GFRA1: variants seen among roughly 807,000 people sequenced by gnomAD.
GFRA1 encodes the protein GDNF family receptor alpha-1.
GFRA1 carries 16 observed loss-of-function variants against 51.6 expected under a neutral mutation model. The observed-to-expected ratio is 0.31, with a 90% CI of 0.21 to 0.47. The LOEUF is 0.47. Among genes scored for constraint, GFRA1 ranks in the 20% least tolerant of loss-of-function variants. The pLI, the probability that GFRA1 is intolerant of heterozygous loss-of-function variation, is 1.00. For missense variants in GFRA1, 530 were observed against 594.3 expected (o/e 0.89, Z 1.13); for synonymous variants, 270 against 241.3 (o/e 1.12, Z -1.10).
chr10:116,125,448 G>A lies in GFRA1; in HGVS notation c.543C>T (p.Ser181=), dbSNP rs367673375. 9.0e-5 allele frequency: 145 copies of A among 1,613,990 alleles called. No homozygotes were observed. Among genetic ancestry groups the A allele is most frequent in the Middle Eastern group, 1.6e-4 (1 of 6,078 alleles). ...GGCGGTTGCAGACATCGTTGGACAC[G>A]CTGGTGGTGCACGGGGTGATGTACG... ...RSAYITPCTT[S]VSNDVCNRRK... is the part of the protein sequence containing the mutation. Residue 181 remains serine, a synonymous_variant, in exon 6 of 11, where the codon AGC becomes AGT. Transcript: ENST00000355422.
intron 6 of GFRA1, among the ~76,000 whole-genome samples, chr10:116,105,654 G>C (rs975474124): frequency 6.6e-5 from 10 of 152,324 alleles, no homozygotes; most frequent in Admixed American, 3.9e-4. Flanking sequence ...GATAGAGGCA[G>C]TGGTTTAGCT....
intron 4 of GFRA1, among the ~76,000 whole-genome samples, chr10:116,224,492 A>G (rs1163900531): frequency 6.6e-6 from 1 of 152,218 alleles, no homozygotes; most frequent in African/African-American, 2.4e-5. Flanking sequence ...CATCCACACA[A>G]TGAAATAATA....
intron 6 of GFRA1, among the ~76,000 whole-genome samples, chr10:116,121,387 ACAGT>A (rs1362851230): frequency 6.6e-6 from 1 of 152,152 alleles, no homozygotes; most frequent in Non-Finnish European, 1.5e-5. Context: ...GGAGGCCCAA[ACAGT>A]CAGGCTCTGA....
chr10:116,271,381 G>T (rs1239786443), intron 2 of GFRA1, among the ~76,000 whole-genome samples: 1 of 152,116 alleles, frequency 6.6e-6, no homozygotes, highest in African/African-American at 2.4e-5. Flanking sequence ...CAGAGCCTGC[G>T]CTGCCCACCG....
At chr10:116,250,775 G>A (rs1379392385) in intron 4 of GFRA1, among the ~76,000 whole-genome samples, 1 of 152,180 alleles carries the variant, frequency 6.6e-6, no homozygotes, top group East Asian at 1.9e-4. Context: ...CAGGACCCCT[G>A]GCCATAGCTC....
Position 116,272,358 on chromosome 10 carries a change from C to A in GFRA1, c.-246-83G>T, listed in dbSNP as rs921243034. 4.9e-5 allele frequency: 22 copies of A among 448,982 alleles called. No homozygotes were observed. Among genetic ancestry groups the A allele is most frequent in the Non-Finnish European group, 8.6e-5 (21 of 244,178 alleles). The allele number at this position is 448,982 out of a possible 1,614,324, so 27.8% of individuals were successfully genotyped here. ...AGAACCCTCTCCCCTCCCCCGTTCC[C>A]GCCTTTGGGGAATTTCCAACACCGG... On this transcript the variant is annotated intron_variant, in intron 1 of 10. Transcript: ENST00000355422. The surrounding 1 kb of genome is among the most constrained non-coding windows in gnomAD (Gnocchi z 4.4).
rs569013399 is a variant in GFRA1 at position 116,193,835 on chromosome 10, A to G, written c.433+17796T>C. On this transcript the variant is annotated intron_variant, in intron 5 of 10. Coordinates refer to ENST00000355422, the MANE Select transcript of GFRA1 (RefSeq NM_005264.8). ...CACTTTGGGAGGCCTAGGCGGGTGG[A>G]TCATGAGGTCAGGAGATGGAGACCA... Among the ~76,000 whole-genome samples, 65 of 152,042 alleles carry G rather than the reference A, an allele frequency of 4.3e-4. 1 individual carries two copies. The highest frequency in any genetic ancestry group is 2.5e-3 in the South Asian group (12 of 4,804).
chr10:116,090,775 A>C (rs1956302042), intron 8 of GFRA1, among the ~76,000 whole-genome samples: 1 of 152,122 alleles, frequency 6.6e-6, no homozygotes, highest in Admixed American at 6.5e-5. Context: ...AAACTCCTCC[A>C]TTTGGGACCT....
intron 4 of GFRA1, among the ~76,000 whole-genome samples, chr10:116,264,565 C>T (rs1969522288): frequency 1.3e-5 from 2 of 152,186 alleles, no homozygotes; most frequent in South Asian, 4.1e-4. Flanking sequence ...TGAGGGAGCC[C>T]TGAGTAGAAT....
intron 5 of GFRA1, among the ~76,000 whole-genome samples, chr10:116,144,979 T>G (rs187112447): frequency 6.6e-6 from 1 of 151,046 alleles, no homozygotes; most frequent in Non-Finnish European, 1.5e-5. Flanking sequence ...CAAAACCCCA[T>G]CTCTACTAAA....
At chr10:116,264,721 G>A (rs1287656380) in intron 4 of GFRA1, among the ~76,000 whole-genome samples, 1 of 152,254 alleles carries the variant, frequency 6.6e-6, no homozygotes, top group African/African-American at 2.4e-5. Flanking sequence ...TTGGGGAATT[G>A]TTTGGCTCAG....
intron 9 of GFRA1, among the ~76,000 whole-genome samples, chr10:116,073,726 T>G (rs1343904641): frequency 1.3e-5 from 2 of 152,170 alleles, no homozygotes; most frequent in Non-Finnish European, 2.9e-5. Flanking sequence ...ATGAAGCCTA[T>G]CTCATCAGAC....
At chr10:116,073,028 C>T (rs976450661) in intron 9 of GFRA1, among the ~76,000 whole-genome samples, 6 of 152,074 alleles carry the variant, frequency 3.9e-5, no homozygotes, top group Admixed American at 6.6e-5. Flanking sequence ...ATTGGGCCTG[C>T]GAACTTTGTA....
chr10:116,215,381 C>T (rs1485577526), intron 4 of GFRA1, among the ~76,000 whole-genome samples: 2 of 152,178 alleles, frequency 1.3e-5, no homozygotes, highest in East Asian at 3.9e-4. Flanking sequence ...TCCGCCACCT[C>T]CATCTCCTAA....
chr10:116,251,447 C>A (rs769736599), intron 4 of GFRA1, among the ~76,000 whole-genome samples: 1 of 152,120 alleles, frequency 6.6e-6, no homozygotes, highest in Non-Finnish European at 1.5e-5. Context: ...ACACCTCCCC[C>A]ACGAGACACT....
At chr10:116,136,619 A>G (rs997208366) in intron 5 of GFRA1, among the ~76,000 whole-genome samples, 1 of 152,160 alleles carries the variant, frequency 6.6e-6, no homozygotes, top group South Asian at 2.1e-4. Context: ...ATGTGTATGT[A>G]CTTGTCAACT....
intron 6 of GFRA1, among the ~76,000 whole-genome samples, chr10:116,104,786 C>G (rs759919529): frequency 2.0e-5 from 3 of 152,180 alleles, no homozygotes; most frequent in Non-Finnish European, 4.4e-5. Context: ...CAGGTACTCT[C>G]TACCTGGCAA....
At chr10:116,071,183 T>G (rs1817960266) in intron 9 of GFRA1, among the ~76,000 whole-genome samples, 1 of 152,126 alleles carries the variant, frequency 6.6e-6, no homozygotes, top group South Asian at 2.1e-4. Flanking sequence ...GCAAGCGTGC[T>G]TCTGAGAAGG....
chr10:116,167,716 T>C (rs1288016645), intron 5 of GFRA1, among the ~76,000 whole-genome samples: 1 of 152,132 alleles, frequency 6.6e-6, no homozygotes. Context: ...CCTTAGATAC[T>C]CTCAAGTTGC....
Sources: gnomAD v4.1 joint callset for allele counts (sites outside exome capture counted in the v4.1 genomes callset) on GRCh38, gnomAD v4.1.1 for gene constraint, Gnocchi (gnomAD v3.1) non-coding constraint, MANE v1.5 for transcripts, NCBI Gene and HGNC (gene_info 2026-07-23, HGNC 2026-07-21) for gene names.